The following PTPRH variants were observed in gnomAD, a reference collection of about 807,000 sequenced individuals.
The protein encoded by PTPRH is receptor-type tyrosine-protein phosphatase H.
Under a neutral mutation model 130.2 loss-of-function variants are expected in PTPRH, and 113 were observed. The ratio of observed to expected loss-of-function variants is 0.87; its 90% CI spans 0.75 to 1.01. PTPRH has a LOEUF of 1.01. Ranked by LOEUF, PTPRH falls within the 50% of genes least tolerant of loss-of-function variation. PTPRH has a pLI of 0.00. For missense variants in PTPRH, 1,430 were observed against 1,425.0 expected (o/e 1.00, Z -0.06); for synonymous variants, 556 against 577.9 (o/e 0.96, Z 0.54).
chr19:55,186,360 C>A lies in PTPRH; in HGVS notation c.2644-1G>T. 3 of 1,613,226 alleles carry A rather than the reference C, an allele frequency of 1.9e-6. No homozygotes were observed. The highest frequency in any genetic ancestry group is 2.5e-6 in the Non-Finnish European group (3 of 1,179,566). ...TGAACTCCTGGGGGCTCCAGAGACC[C>A]TGGTTGAGGAAGGCAGGCGGGTCAG... is the stretch of plus-strand genomic sequence containing the variant. On this transcript the variant is annotated splice_acceptor_variant, in intron 15 of 19. Transcript: ENST00000376350. LOFTEE classifies it high-confidence loss of function.
chr19:55,182,151 A>C lies in PTPRH; in HGVS notation c.3063T>G (p.Ser1021Arg), dbSNP rs765168657. Residue 1021 changes from serine (S) to arginine (R), a missense_variant and splice_region_variant, in exon 19 of 20, where the codon AGT becomes AGG. Transcript: ENST00000376350. ...MEGGPPIVHC[S>R]AGVGRTGTLI... is the part of the protein sequence containing the mutation. ...GGGTTCCTGTGCGACCCACGCCAGC[A>C]CTAGGCAGAACAAGGGAAGGGTCAG... The C allele has an allele frequency of 3.7e-6, 6 of 1,613,366 alleles. No individual in the cohort carries two copies. In the African/African-American group the frequency reaches 5.3e-5, roughly 14 times the overall value.
chr19:55,188,879 C>T (rs1010528710), intron 12 of PTPRH, among the ~76,000 whole-genome samples: 3 of 152,240 alleles, frequency 2.0e-5, no homozygotes, highest in South Asian at 2.1e-4. Context: ...CTCCTCTGTC[C>T]GTCTTAAAAG....
At chr19:55,207,289 GC>G in intron 1 of PTPRH, 90 bp from the exon 2 acceptor site, 1 of 1,404,244 alleles carries the variant, frequency 7.1e-7, no homozygotes, top group Non-Finnish European at 9.8e-7. Context: ...GCTGGTCCCC[GC>G]CCCATGAGTC....
chr19:55,195,094 G>T (rs149235319), intron 10 of PTPRH, among the ~76,000 whole-genome samples: 26 of 152,260 alleles, frequency 1.7e-4, no homozygotes, highest in African/African-American at 6.3e-4. Context: ...GGAGGCCGAG[G>T]CGGGTGGATC....
In PTPRH at chr19:55,209,378, C is replaced by T. The variant is rs577908249; in HGVS notation, c.51+5G>A. 37 of 1,561,700 alleles carry T rather than the reference C, an allele frequency of 2.4e-5. No homozygotes were observed. The Admixed American group carries it at 5.6e-4, about 24-fold the overall frequency. Reference sequence around the variant, plus strand: ...GGGAGCCCGCTCTGGGCGGGGAGCACTTACCAGCAGCACCAGGTTCCCCCA... The same window carrying T: ...GGGAGCCCGCTCTGGGCGGGGAGCATTTACCAGCAGCACCAGGTTCCCCCA... On this transcript the variant is annotated splice_donor_5th_base_variant and intron_variant, in intron 1 of 19. Coordinates refer to ENST00000376350, the MANE Select transcript of PTPRH (RefSeq NM_002842.5). The surrounding 1 kb of genome is among the most constrained non-coding windows in gnomAD (Gnocchi z 4.1).
chr19:55,195,511 A>G (rs2086657175), intron 10 of PTPRH, among the ~76,000 whole-genome samples: 1 of 152,110 alleles, frequency 6.6e-6, no homozygotes, highest in Non-Finnish European at 1.5e-5. Flanking sequence ...AAAAACAAAA[A>G]CAAAAAAACA....
intron 10 of PTPRH, chr19:55,194,440 A>G: frequency 1.1e-6 from 1 of 917,354 alleles, no homozygotes. Context: ...TAAGGGAGAG[A>G]ACTTTCTAAG....
chr19:55,202,919 G>A (rs2086912157), intron 5 of PTPRH, among the ~76,000 whole-genome samples: 1 of 151,966 alleles, frequency 6.6e-6, no homozygotes, highest in Non-Finnish European at 1.5e-5. Context: ...TATGCCTGTA[G>A]TCCCAGCTAC....
chr19:55,208,099 C>T (rs55742719), intron 1 of PTPRH, among the ~76,000 whole-genome samples: 2 of 77,250 alleles, frequency 2.6e-5, no homozygotes, highest in Non-Finnish European at 4.6e-5. Flanking sequence ...GGGGTCTGGA[C>T]TCCTGGGTCT....
At chr19:55,187,153 G>C (rs1456935926) in intron 14 of PTPRH, among the ~76,000 whole-genome samples, 1 of 150,778 alleles carries the variant, frequency 6.6e-6, no homozygotes, top group Non-Finnish European at 1.5e-5. Flanking sequence ...AGACCATCCT[G>C]GCTAACACGG....
At chr19:55,191,000 C>T (rs1365544712) in intron 12 of PTPRH, among the ~76,000 whole-genome samples, 1 of 152,084 alleles carries the variant, frequency 6.6e-6, no homozygotes, top group Non-Finnish European at 1.5e-5. Flanking sequence ...CGCCACCAAG[C>T]CTGGCTAATT....
intron 10 of PTPRH, among the ~76,000 whole-genome samples, chr19:55,193,065 C>T (rs1252506453): frequency 1.3e-5 from 2 of 150,874 alleles, no homozygotes; most frequent in Non-Finnish European, 3.0e-5. Context: ...CCAGTCTCTA[C>T]TAAAAAAACA....
At chr19:55,188,276 G>A in intron 12 of PTPRH, 108 bp from the exon 13 acceptor site, 1 of 856,424 alleles carries the variant, frequency 1.2e-6, no homozygotes, top group Admixed American at 1.9e-5. Context: ...ACTTTGGGAG[G>A]CCGAGGCGGG....
At chr19:55,190,738 TC>T (rs967175160) in intron 12 of PTPRH, among the ~76,000 whole-genome samples, 8 of 150,290 alleles carry the variant, frequency 5.3e-5, no homozygotes, top group Admixed American at 2.7e-4. Flanking sequence ...CAAGTGATTC[TC>T]CTGCCCCAGC....
rs561327392 is a variant in PTPRH, at chr19:55,185,816, G to A, written c.2901+46C>T. On this transcript the variant is annotated intron_variant, in intron 17 of 19. Transcript: ENST00000376350. ...GGAGGGTCCTGGATGCATGGCATAT[G>A]TCACAGGGGAAGGCTGAGGGCCAGG... The A allele has an allele frequency of 2.0e-5, 32 of 1,613,652 alleles. 1 individual carries two copies. The South Asian group carries it at 3.1e-4, about 16-fold the overall frequency.
At chr19:55,187,412 G>C (rs1343652029) in intron 14 of PTPRH, 101 bp downstream of exon 14, 4 of 695,594 alleles carry the variant, frequency 5.8e-6, no homozygotes, top group Non-Finnish European at 9.1e-6. Context: ...CCCACGGTAG[G>C]GGGCAGGACT....
Position 55,188,117 on chromosome 19 carries a change from A to G in PTPRH, c.2436T>C (p.Asn812=), listed in dbSNP as rs10416615. The G allele has an allele frequency of 5.5e-3, 8,933 of 1,614,004 alleles. 405 individuals carry two copies. The African/African-American group carries it at 0.1, about 18-fold the overall frequency. Residue 812 remains asparagine (N), a synonymous_variant, in exon 13 of 20, where the codon AAT becomes AAC. Transcript: ENST00000376350. ...AEDFADHVRK[N]ERDSNCGFAD... ...CAAAACCACAGTTGCTGTCCCTCTC[A>G]TTCTTCCTGACGTGGTCAGCGAAGT...
intron 12 of PTPRH, among the ~76,000 whole-genome samples, chr19:55,190,589 TA>T: frequency 7.3e-6 from 1 of 136,226 alleles, no homozygotes; most frequent in East Asian, 2.0e-4. Context: ...TTATATATTA[TA>T]AATTTATATA....
At chr19:55,198,997 G>A (rs571701261) in intron 7 of PTPRH, 85 bp from the exon 8 acceptor site, 2 of 1,272,186 alleles carry the variant, frequency 1.6e-6, no homozygotes, top group Non-Finnish European at 2.0e-6. Context: ...TCCTTGTGCA[G>A]CCCAGCTCAT....
Sources: allele counts gnomAD v4.1 joint callset (sites outside exome capture counted in the v4.1 genomes callset), GRCh38; gene constraint gnomAD v4.1.1; non-coding constraint Gnocchi (gnomAD v3.1); transcripts MANE v1.5; gene names NCBI Gene and HGNC (gene_info 2026-07-23, HGNC 2026-07-21).